DOCK10: variants seen among roughly 807,000 people sequenced by gnomAD.
DOCK10 encodes dedicator of cytokinesis 10.
DOCK10 carries 145 observed loss-of-function variants against 280.1 expected under a neutral mutation model. The ratio of observed to expected loss-of-function variants is 0.52; its 90% confidence interval spans 0.45 to 0.59. DOCK10 has a LOEUF of 0.59. DOCK10 is among the 20% of genes least tolerant of loss of function. The pLI, the probability that DOCK10 is intolerant of heterozygous loss-of-function variation, is 0.00. For synonymous variants in DOCK10, 915 were observed against 942.2 expected (o/e 0.97, Z 0.53); for missense variants, 2,368 against 2,651.7 (o/e 0.89, Z 2.35).
rs187500227 is a variant in DOCK10 at position 224,905,433 on chromosome 2, T to A, written c.334-9056A>T. On this transcript the variant is annotated intron_variant, in intron 3 of 55. Coordinates refer to ENST00000258390, the MANE Select transcript of DOCK10 (RefSeq NM_014689.3). ...CGGCTAATTTTTTTTGTATTTTTAG[T>A]AGAGACGGGGTTTCACCTTGTTAGC... is the stretch of plus-strand genomic sequence containing the variant. Among the ~76,000 whole-genome samples the A allele has an allele frequency of 3.2e-3, 481 of 151,718 alleles. 1 individual carries two copies. Among genetic ancestry groups the A allele is most frequent in the African/African-American group, 0.011 (439 of 41,320 alleles).
At chr2:224,822,589 T>C (rs1294739128) in intron 28 of DOCK10, among the ~76,000 whole-genome samples, 1 of 152,006 alleles carries the variant, frequency 6.6e-6, no homozygotes, top group South Asian at 2.1e-4. Context: ...GCCAGGTTTG[T>C]GTCTGTGTCC....
chr2:224,788,684 G>A (rs969695778), intron 48 of DOCK10, among the ~76,000 whole-genome samples: 20 of 152,062 alleles, frequency 1.3e-4, no homozygotes, highest in Non-Finnish European at 2.6e-4. Context: ...CATAACAGAA[G>A]GTTTTCTAAA....
Position 224,787,276 on chromosome 2 carries a change from T to C in DOCK10, c.5540A>G (p.Lys1847Arg). ...IAVFEKQRDF[K>R]KLSDLYYDIH... is the part of the protein sequence containing the mutation. ...CTTCTAGGGGGTTGGAATACATACT[T>C]TGAAGTCTCGTTGTTTCTCAAAGAC... The change falls in exon 49 of 56, where the codon AAA (lysine) becomes AGA (arginine). Residue 1847 changes from lysine (K) to arginine (R), a missense_variant and splice_region_variant. Lys to Arg is a conservative substitution (Grantham distance 26). Coordinates refer to ENST00000258390, the MANE Select transcript of DOCK10 (RefSeq NM_014689.3). The C allele has an allele frequency of 1.2e-6, 2 of 1,614,020 alleles. No homozygotes were observed. The highest frequency in any genetic ancestry group is 1.7e-6 in the Non-Finnish European group (2 of 1,179,884).
chr2:224,942,437 C>G (rs1429605280), intron 1 of DOCK10, among the ~76,000 whole-genome samples: 1 of 152,214 alleles, frequency 6.6e-6, no homozygotes, highest in African/African-American at 2.4e-5. Flanking sequence ...GTGTTTCAAC[C>G]CTGATTCAGC....
chr2:224,810,521 A>C (rs968732765), intron 31 of DOCK10, among the ~76,000 whole-genome samples: 3 of 151,884 alleles, frequency 2.0e-5, no homozygotes, highest in Non-Finnish European at 4.4e-5. Context: ...TTTAGGGTAC[A>C]TGTGCACAAT....
intron 50 of DOCK10, among the ~76,000 whole-genome samples, chr2:224,779,214 T>G (rs1305847558): frequency 9.7e-5 from 14 of 143,918 alleles, no homozygotes; most frequent in African/African-American, 3.6e-4. Flanking sequence ...CCCAAGGATA[T>G]CTGGTTTCTT....
intron 44 of DOCK10, 147 bp from the exon 45 acceptor site, chr2:224,795,241 T>G: frequency 1.5e-6 from 1 of 669,514 alleles, no homozygotes; most frequent in Middle Eastern, 3.1e-4. Context: ...ATATGTGCAT[T>G]CTATGTTTTG....
At chr2:224,814,741 C>T (rs975567056) in intron 30 of DOCK10, among the ~76,000 whole-genome samples, 2 of 152,138 alleles carry the variant, frequency 1.3e-5, no homozygotes, top group Admixed American at 1.3e-4. Context: ...AGGCTGGTCT[C>T]AAACTCCTGA....
chr2:225,037,798 T>C (rs1690301634), intron 1 of DOCK10, among the ~76,000 whole-genome samples: 1 of 152,236 alleles, frequency 6.6e-6, no homozygotes, highest in South Asian at 2.1e-4. Context: ...CCAAAACCTA[T>C]ACATGTTGAC....
chr2:224,854,891 C>T (rs1017546275), intron 16 of DOCK10, 72 bp downstream of exon 16: 5 of 1,001,372 alleles, frequency 5.0e-6, no homozygotes, highest in Non-Finnish European at 7.0e-6. Context: ...AACCAACCAA[C>T]CAACCAAAAC....
chr2:224,807,715 T>C lies in DOCK10; in HGVS notation c.3655A>G (p.Ile1219Val). The change falls in exon 33 of 56, where the codon ATT (isoleucine) becomes GTT (valine). Residue 1219 changes from isoleucine to valine, a missense_variant. Ile to Val is a conservative substitution (Grantham distance 29). This residue lies in a region of DOCK10 where 1,159 missense variants were observed against 1,400.8 expected (regional missense o/e 0.83). Coordinates refer to ENST00000258390, the MANE Select transcript of DOCK10 (RefSeq NM_014689.3). ...AAAGGATACAGGTCCTTCAGATAAA[T>C]CCTTGGCATATTGTCCAGGAGCATG... ...YGMLLDNMPRIYLKDLYPFTV... is the reference protein window; with the variant it reads ...YGMLLDNMPRVYLKDLYPFTV... 1.3e-6 allele frequency: 2 copies of C among 1,573,266 alleles called. No individual in the cohort carries two copies. Among genetic ancestry groups the C allele is most frequent in the Middle Eastern group, 1.7e-4 (1 of 6,010 alleles).
Position 224,886,078 on chromosome 2 carries a change from G to T in DOCK10, c.597C>A (p.Asn199Lys). ...ATCTCCTTACCCGAACAGTAACGGT[G>T]TTGTTCACGGTGCTGTTAAAATTCC... The part of the protein sequence containing the change: ...YKGNFNSTVN[N>K]TVTVRSFKKR... The change falls in exon 6 of 56, where the codon AAC becomes AAA. Residue 199 changes from asparagine to lysine, a missense_variant. Asn to Lys is a moderately conservative substitution (Grantham distance 94). Coordinates refer to ENST00000258390, the MANE Select transcript of DOCK10 (RefSeq NM_014689.3). The T allele has an allele frequency of 1.9e-6, 3 of 1,613,898 alleles. No homozygotes were observed. The highest frequency in any genetic ancestry group is 1.3e-5 in the African/African-American group (1 of 75,020).
intron 4 of DOCK10, among the ~76,000 whole-genome samples, chr2:224,890,956 G>T (rs1377302506): frequency 1.3e-5 from 2 of 152,322 alleles, no homozygotes; most frequent in East Asian, 3.9e-4. Context: ...GACATCTATA[G>T]CTGTATTTAA....
intron 24 of DOCK10, among the ~76,000 whole-genome samples, chr2:224,838,715 A>AT (rs147269183): frequency 0.023 from 3,516 of 152,274 alleles, 117 homozygotes; most frequent in African/African-American, 0.077. Context: ...CAAAAGTAAC[A>AT]TTTTTTTCCA....
chr2:224,935,474 T>C (rs1042639605), intron 1 of DOCK10, among the ~76,000 whole-genome samples: 8 of 152,220 alleles, frequency 5.3e-5, no homozygotes, highest in African/African-American at 2.4e-5. Context: ...AGGTTTTCTA[T>C]GTTACGATGC....
chr2:224,941,425 G>C (rs2126074803), intron 1 of DOCK10, among the ~76,000 whole-genome samples: 1 of 152,274 alleles, frequency 6.6e-6, no homozygotes, highest in Admixed American at 6.5e-5. Flanking sequence ...CTGTGATTTG[G>C]CATACTATTT....
intron 26 of DOCK10, among the ~76,000 whole-genome samples, chr2:224,832,456 T>C (rs1308763551): frequency 6.6e-6 from 1 of 152,170 alleles, no homozygotes; most frequent in Non-Finnish European, 1.5e-5. Flanking sequence ...CAAACAATGC[T>C]GCGATAAACT....
intron 1 of DOCK10, among the ~76,000 whole-genome samples, chr2:225,024,848 C>A (rs1308218817): frequency 2.6e-5 from 4 of 151,728 alleles, no homozygotes; most frequent in African/African-American, 9.7e-5. Context: ...TGAGATCACG[C>A]TACTGTGCTC....
intron 1 of DOCK10, among the ~76,000 whole-genome samples, chr2:225,036,436 T>G (rs1213126973): frequency 1.3e-5 from 2 of 152,186 alleles, no homozygotes; most frequent in African/African-American, 2.4e-5. Flanking sequence ...TCAATTGACT[T>G]TATCTAAAAA....
Sources: gnomAD v4.1 joint callset for allele counts (sites outside exome capture counted in the v4.1 genomes callset) on GRCh38, gnomAD v4.1.1 for gene constraint, gnomAD v4.1.1 regional missense constraint, MANE v1.5 for transcripts, NCBI Gene and HGNC (gene_info 2026-07-23, HGNC 2026-07-21) for gene names.